The following RNF17 variants were observed in gnomAD, a reference collection of about 807,000 sequenced individuals.
The protein encoded by RNF17 is ring finger protein 17.
Under a neutral mutation model 200.5 loss-of-function variants are expected in RNF17, and 31 were observed. The observed-to-expected ratio is 0.15, with a 90% CI of 0.12 to 0.21. The LOEUF (loss-of-function observed/expected upper bound fraction) is 0.21, where lower values mean the gene tolerates loss of function less well. RNF17 is among the 10% of genes least tolerant of loss of function. RNF17 has a pLI of 1.00. For missense variants in RNF17, 1,628 were observed against 1,905.1 expected, an observed-to-expected ratio of 0.85 and a Z score of 2.71; for synonymous variants, 606 against 637.8, an observed-to-expected ratio of 0.95 and a Z score of 0.75.
chr13:24,759,034 C>G, the RNF17 span, among the ~76,000 whole-genome samples: 2 of 134,442 alleles, frequency 1.5e-5, no homozygotes, highest in Admixed American at 9.0e-5. Context: ...GAACTGAGAT[C>G]GTGCCACTGC....
At chr13:24,858,575 G>GATATATATTTATATATAT in intron 25 of RNF17, among the ~76,000 whole-genome samples, 1 of 143,248 alleles carries the variant, frequency 7.0e-6, no homozygotes, top group South Asian at 2.3e-4. Flanking sequence ...ATCAGTTATG[G>GATATATATTTATATATAT]ATATATATAT....
rs1001150985 is a variant in RNF17, at chr13:24,868,273, A to G, written c.4162-327A>G. 2.6e-5 allele frequency among the ~76,000 whole-genome samples: 4 copies of G among 151,428 alleles called. No individual in the cohort carries two copies. The South Asian group carries it at 6.3e-4, about 24-fold the overall frequency. On this transcript the variant is annotated intron_variant, in intron 30 of 35. Transcript: ENST00000255324. ...ATCACGAGGTCAGGAGATCGAGACC[A>G]TCCCGGCTAAAACGGTGAAACCCCG...
chr13:24,787,562 A>G (rs1220739263), intron 6 of RNF17, among the ~76,000 whole-genome samples: 1 of 152,150 alleles, frequency 6.6e-6, no homozygotes, highest in Non-Finnish European at 1.5e-5. Flanking sequence ...TTTTCTGAGC[A>G]TGCATCTTGC....
chr13:24,844,995 T>C lies in RNF17; in HGVS notation c.3017T>C (p.Val1006Ala), dbSNP rs762615894. The change falls in exon 22 of 36, where the codon GTG becomes GCG. Residue 1006 changes from valine to alanine, a missense_variant. Around this residue, in one of 5 missense-constraint regions of RNF17, gnomAD observed 227 missense variants for 319.8 expected, o/e 0.71. Transcript: ENST00000255324. Reference protein sequence around the residue: ...LLYDVGVELVVNVDCLRKLEE... With the variant: ...LLYDVGVELVANVDCLRKLEE... ...TATGATGTGGGTGTTGAACTAGTAG[T>C]GAATGTTGACTGTTTAAGAAAACTT... is the stretch of plus-strand genomic sequence containing the variant. 4 of 1,606,512 alleles carry C rather than the reference T, an allele frequency of 2.5e-6. No homozygotes were observed. The highest frequency in any genetic ancestry group is 2.2e-5 in the South Asian group (2 of 90,880).
chr13:24,875,949 C>T, intron 33 of RNF17, among the ~76,000 whole-genome samples: 1 of 152,220 alleles, frequency 6.6e-6, no homozygotes, highest in South Asian at 2.1e-4. Context: ...AGTGCTCCTG[C>T]TCATTCCTCT....
Position 24,789,394 on chromosome 13 carries a change from T to C in RNF17, c.830T>C (p.Val277Ala). The C allele has an allele frequency of 1.2e-6, 2 of 1,606,252 alleles. No individual in the cohort carries two copies. The highest frequency in any genetic ancestry group is 1.7e-6 in the Non-Finnish European group (2 of 1,174,118). The change falls in exon 8 of 36, where the codon GTT (valine) becomes GCT (alanine). Residue 277 changes from valine (V) to alanine (A), a missense_variant. By Grantham distance (64) the Val-to-Ala change is moderately conservative (BLOSUM62 0). Coordinates refer to ENST00000255324, the MANE Select transcript of RNF17 (RefSeq NM_031277.3). The stretch of plus-strand genomic sequence containing the variant: ...ACTTCAGATAGTGAATTAGCACAAG[T>C]TAGTTCTCCACAACTAAGGAACCCT... ...QLTSDSELAQ[V>A]SSPQLRNPPR...
chr13:24,823,357 C>T (rs1888284555), intron 15 of RNF17, among the ~76,000 whole-genome samples: 1 of 152,206 alleles, frequency 6.6e-6, no homozygotes, highest in South Asian at 2.1e-4. Context: ...CAGGTGTGAG[C>T]CACCACGCCC....
chr13:24,768,568 G>A (rs1047760695), intron 2 of RNF17, among the ~76,000 whole-genome samples: 1 of 152,138 alleles, frequency 6.6e-6, no homozygotes, highest in Non-Finnish European at 1.5e-5. Flanking sequence ...ACAGGCATGA[G>A]CCACCGCGCC....
intron 15 of RNF17, among the ~76,000 whole-genome samples, chr13:24,812,150 T>A (rs1415214296): frequency 6.9e-6 from 1 of 145,458 alleles, no homozygotes; most frequent in Non-Finnish European, 1.5e-5. Flanking sequence ...CACGTCTCCT[T>A]GAGCTGTGGT....
In RNF17 at chr13:24,800,686, A is replaced by G. The variant is rs1885140445; in HGVS notation, c.1758+152A>G. The G allele has an allele frequency of 5.3e-6, 3 of 567,800 alleles. No individual in the cohort carries two copies. The South Asian group carries it at 1.1e-4, about 21-fold the overall frequency. The allele number at this position is 567,800 out of a possible 1,614,324, so 35.2% of individuals were successfully genotyped here. A position where few individuals can be genotyped will look rare whatever the true frequency, so the allele number is the denominator to read the frequency against. On this transcript the variant is annotated intron_variant, in intron 13 of 35. Coordinates refer to ENST00000255324, the MANE Select transcript of RNF17 (RefSeq NM_031277.3). ...ACTGTTAGTTCTAATAGAAAAGGAA[A>G]TGAACTTCGGCTTCCACAATTGAAA...
chr13:24,839,257 A>G (rs563925001), intron 18 of RNF17, among the ~76,000 whole-genome samples: 4 of 152,262 alleles, frequency 2.6e-5, no homozygotes, highest in South Asian at 2.1e-4. Context: ...TCATATTGCA[A>G]TGGTACCCAT....
chr13:24,805,604 T>A (rs1885750520), intron 15 of RNF17, among the ~76,000 whole-genome samples: 1 of 152,256 alleles, frequency 6.6e-6, no homozygotes, highest in African/African-American at 2.4e-5. Flanking sequence ...CATCTATTGA[T>A]GGCCATTTGG....
At chr13:24,777,512 A>G (rs963196799) in intron 3 of RNF17, among the ~76,000 whole-genome samples, 2 of 152,208 alleles carry the variant, frequency 1.3e-5, no homozygotes, top group African/African-American at 4.8e-5. Context: ...TAAAACAGAT[A>G]ATAAATAAAA....
At chr13:24,887,889 TC>T in the RNF17 span, among the ~76,000 whole-genome samples, 4 of 152,144 alleles carry the variant, frequency 2.6e-5, no homozygotes, top group Non-Finnish European at 5.9e-5. Context: ...CTGCAAGTCT[TC>T]TGTCTCCAAA....
intron 7 of RNF17, 117 bp from the exon 8 acceptor site, chr13:24,789,231 C>G: frequency 1.5e-6 from 1 of 673,552 alleles, no homozygotes; most frequent in Non-Finnish European, 2.6e-6. Context: ...CCAAATTGAG[C>G]CTGAATGCAA....
At chr13:24,832,815 C>A (rs1030177330) in intron 18 of RNF17, among the ~76,000 whole-genome samples, 3 of 152,106 alleles carry the variant, frequency 2.0e-5, no homozygotes, top group African/African-American at 7.2e-5. Flanking sequence ...TGAACAATGG[C>A]TCACTGCAGC....
At position 24,859,126 on chromosome 13, in the gene RNF17, C is replaced by T; in HGVS notation, c.3736C>T (p.Arg1246Cys). The T allele has an allele frequency of 3.1e-6, 5 of 1,607,884 alleles. No individual in the cohort carries two copies. Among genetic ancestry groups the T allele is most frequent in the Non-Finnish European group, 4.3e-6 (5 of 1,176,224 alleles). Reference sequence around the variant, plus strand: ...AAGAGGATCCGATACTCTGTGGTATCGTGGCAAGGTGATGGAGGTTGTAGG... The same window carrying T: ...AAGAGGATCCGATACTCTGTGGTATTGTGGCAAGGTGATGGAGGTTGTAGG... ...AVRGSDTLWY[R>C]GKVMEVVGGA... The change falls in exon 26 of 36, where the codon CGT becomes TGT. Residue 1246 changes from arginine to cysteine, a missense_variant. This residue lies in a region of RNF17 where 609 missense variants were observed against 681.9 expected (regional missense o/e 0.89). Transcript: ENST00000255324.
chr13:24,815,846 T>TGAGAA (rs1281977658), intron 15 of RNF17, among the ~76,000 whole-genome samples: 12 of 152,218 alleles, frequency 7.9e-5, no homozygotes, highest in Non-Finnish European at 1.5e-4. Flanking sequence ...CTTTTCTCCT[T>TGAGAA]CATCCTGTCA....
chr13:24,854,666 G>GC (rs544865960), intron 25 of RNF17, among the ~76,000 whole-genome samples: 285 of 152,176 alleles, frequency 1.9e-3, no homozygotes, highest in Middle Eastern at 3.4e-3. Flanking sequence ...AAAGGTCCAG[G>GC]CCCCTTTACT....
Sources: allele counts gnomAD v4.1 joint callset (sites outside exome capture counted in the v4.1 genomes callset), GRCh38; gene constraint gnomAD v4.1.1; regional missense constraint gnomAD v4.1.1; transcripts MANE v1.5; gene names NCBI Gene and HGNC (gene_info 2026-07-23, HGNC 2026-07-21).